Variants in ACLY observed in about 807,000 individuals in gnomAD.
ACLY encodes ATP citrate lyase.
ACLY carries 41 observed loss-of-function variants against 133.0 expected under a neutral mutation model. That is an observed-to-expected ratio of 0.31 (90% CI 0.24 to 0.40). The LOEUF is 0.40. Ranked by LOEUF, ACLY falls within the 10% of genes least tolerant of loss-of-function variation. The probability of loss-of-function intolerance (pLI) is 1.00; values close to 1 mark genes in which losing one functional copy is unlikely to be tolerated. For missense variants in ACLY, 1,046 were observed against 1,453.8 expected (o/e 0.72, Z 4.56); for synonymous variants, 495 against 549.3 (o/e 0.90, Z 1.38).
intron 22 of ACLY, among the ~76,000 whole-genome samples, chr17:41,876,908 A>G (rs1220912472): frequency 6.6e-6 from 1 of 152,026 alleles, no homozygotes; most frequent in Non-Finnish European, 1.5e-5. Flanking sequence ...TGATCAATAC[A>G]AAAAAATAAA....
At chr17:41,873,664 C>T in intron 23 of ACLY, 147 bp downstream of exon 23, 1 of 983,136 alleles carries the variant, frequency 1.0e-6, no homozygotes, top group Non-Finnish European at 1.4e-6. Context: ...GTTTATGTGT[C>T]CTTCCTCTGG....
chr17:41,892,747 G>A (rs2049250342), intron 15 of ACLY, among the ~76,000 whole-genome samples: 1 of 151,884 alleles, frequency 6.6e-6, no homozygotes, highest in South Asian at 2.1e-4. Context: ...CATAATTAGA[G>A]TTCACTGCAG....
Position 41,905,646 on chromosome 17 carries a change from A to G in ACLY, c.879T>C (p.Cys293=), listed in dbSNP as rs2049692713. The change falls in exon 9 of 29, where the codon TGT becomes TGC. Residue 293 remains cysteine, a synonymous_variant. Coordinates refer to ENST00000352035, the MANE Select transcript of ACLY (RefSeq NM_001096.3). ...GASVVYSDTI[C]DLGGVNELAN... ...CCAGCTCGTTGACACCCCCTAGATC[A>G]CAGATGGTATCGCTGCCAAGGAGAC... 6.2e-7 allele frequency: 1 copy of G among 1,614,136 alleles called. No individual in the cohort carries two copies. Among genetic ancestry groups the G allele is most frequent in the Non-Finnish European group, 8.5e-7 (1 of 1,180,008 alleles).
intron 1 of ACLY, among the ~76,000 whole-genome samples, chr17:41,924,502 CCT>C (rs2050219209): frequency 1.3e-5 from 2 of 152,176 alleles, no homozygotes; most frequent in South Asian, 4.2e-4. Flanking sequence ...TCTAAACCCA[CCT>C]CTCTCCTTGT....
chr17:41,909,785 C>T (rs2049843176), intron 4 of ACLY, 85 bp from the exon 5 acceptor site: 1 of 1,259,730 alleles, frequency 7.9e-7, no homozygotes, highest in Non-Finnish European at 1.1e-6. Flanking sequence ...AGATGGTCTA[C>T]CATGTACTGG....
At chr17:41,923,804 T>G (rs939305228), upstream of ACLY, among the ~76,000 whole-genome samples, 26 of 152,042 alleles carry the variant, frequency 1.7e-4, no homozygotes, top group South Asian at 2.1e-4. Flanking sequence ...TCTACTATTT[T>G]TTTGTTTGTT....
intron 20 of ACLY, among the ~76,000 whole-genome samples, chr17:41,881,818 G>A (rs1377216414): frequency 6.6e-6 from 1 of 152,176 alleles, no homozygotes; most frequent in Non-Finnish European, 1.5e-5. Context: ...TCACCCTGGA[G>A]GGATGGGCAG....
rs1382086152 is a variant in ACLY, at chr17:41,883,217, C to A, written c.2170G>T (p.Glu724Ter). ...TTGATGCCCCGGCAAATCTTATATT[C>A]CTCAGTGCCCCCAATCTGCCAAGGA... Reference protein sequence around the residue: ...VVLGEIGGTEEYKICRGIKEG... With the variant: ...VVLGEIGGTE Residue 724 changes from glutamate to a stop codon, truncating the protein, a stop_gained, in exon 20 of 29, where the codon GAA (glutamate) becomes TAA (stop). Coordinates refer to ENST00000352035, the MANE Select transcript of ACLY (RefSeq NM_001096.3). LOFTEE classifies it high-confidence loss of function. 5 of 1,613,708 alleles carry A rather than the reference C, an allele frequency of 3.1e-6. No homozygotes were observed. Among genetic ancestry groups the A allele is most frequent in the Non-Finnish European group, 3.4e-6 (4 of 1,180,002 alleles).
At chr17:41,898,139 TCTCA>T (rs2049426494) in intron 12 of ACLY, among the ~76,000 whole-genome samples, 1 of 152,190 alleles carries the variant, frequency 6.6e-6, no homozygotes, top group Non-Finnish European at 1.5e-5. Context: ...TGAGACGAAT[TCTCA>T]CTCTGTTGCT....
chr17:41,897,130 T>C (rs1326659277), intron 13 of ACLY, among the ~76,000 whole-genome samples: 1 of 152,152 alleles, frequency 6.6e-6, no homozygotes, highest in African/African-American at 2.4e-5. Context: ...CATAGCAAAG[T>C]GTGTCCCAGG....
intron 1 of ACLY, among the ~76,000 whole-genome samples, chr17:41,927,442 T>C (rs2050256975): frequency 6.6e-6 from 1 of 152,172 alleles, no homozygotes; most frequent in Non-Finnish European, 1.5e-5. Context: ...CGCCTGGGCC[T>C]CCCAAAGTGC....
At chr17:41,879,691 G>C (rs2048862294) in intron 20 of ACLY, among the ~76,000 whole-genome samples, 1 of 71,248 alleles carries the variant, frequency 1.4e-5, no homozygotes, top group African/African-American at 4.8e-5. Context: ...AAAAAAAGAA[G>C]TGCTAAATGG....
At position 41,897,831 on chromosome 17, in the gene ACLY, G is replaced by A. The variant is rs781810717; in HGVS notation, c.1347C>T (p.Ala449=). The change falls in exon 13 of 29, where the codon GCC becomes GCT. Residue 449 remains alanine (A), a synonymous_variant. Transcript: ENST00000352035. ...LNASGSTSTP[A]PSRTASFSES... is the part of the protein sequence containing the mutation. ...CAGAAAAAGATGCTGTCCTGCTGGG[G>A]GCTGGCGTCTGGGGTGAGATAAGGA... The A allele has an allele frequency of 1.9e-6, 3 of 1,613,542 alleles. No homozygotes were observed. The highest frequency in any genetic ancestry group is 3.3e-5 in the Admixed American group (2 of 59,932).
upstream of ACLY, among the ~76,000 whole-genome samples, chr17:41,922,726 A>G (rs140294520): frequency 1.9e-3 from 287 of 152,342 alleles, no homozygotes; most frequent in African/African-American, 6.7e-3. Flanking sequence ...GTAAGTACTC[A>G]ATAAATGTTT....
chr17:41,909,630 C>T lies in ACLY; in HGVS notation c.416G>A (p.Gly139Asp), dbSNP rs2049836118. 1 of 1,614,006 alleles carries T rather than the reference C, an allele frequency of 6.2e-7. No homozygotes were observed. The highest frequency in any genetic ancestry group is 1.3e-5 in the African/African-American group (1 of 74,910). Residue 139 changes from glycine (G) to aspartate (D), a missense_variant, in exon 5 of 29, where the codon GGT becomes GAT. Coordinates refer to ENST00000352035, the MANE Select transcript of ACLY (RefSeq NM_001096.3). ...GGCGTCCACATCACCCACGTCCACA[C>T]CCCCCTCGTGGTGGAACAGGACGTA... ...GDYVLFHHEG[G>D]VDVGDVDAKA...
At chr17:41,921,707 C>T (rs531874570), upstream of ACLY, among the ~76,000 whole-genome samples, 3 of 152,082 alleles carry the variant, frequency 2.0e-5, no homozygotes, top group Admixed American at 6.5e-5. Context: ...TGCTGGCTCA[C>T]GCCTATAATC....
At chr17:41,869,612 A>G in intron 25 of ACLY, 25 bp from the exon 26 acceptor site, 1 of 1,568,838 alleles carries the variant, frequency 6.4e-7, no homozygotes, top group Non-Finnish European at 8.8e-7. Context: ...AACGGTACAG[A>G]GGAACACTCA....
chr17:41,912,170 T>C (rs1440080079), intron 3 of ACLY, among the ~76,000 whole-genome samples: 1 of 150,934 alleles, frequency 6.6e-6, no homozygotes, highest in East Asian at 1.9e-4. Context: ...TATATTGAGG[T>C]TACCTCTGCA....
chr17:41,876,302 C>A (rs1555626149), intron 22 of ACLY, among the ~76,000 whole-genome samples: 1 of 150,922 alleles, frequency 6.6e-6, no homozygotes, highest in African/African-American at 2.4e-5. Context: ...GGGGGTCAGC[C>A]CCCCGCCCGG....
Sources: allele counts gnomAD v4.1 joint callset (sites outside exome capture counted in the v4.1 genomes callset), GRCh38; gene constraint gnomAD v4.1.1; transcripts MANE v1.5; gene names NCBI Gene and HGNC (gene_info 2026-07-23, HGNC 2026-07-21).